The following MAP4K5 variants were observed in gnomAD, a reference collection of about 807,000 sequenced individuals.
The protein encoded by MAP4K5 is MAPK/ERK kinase kinase kinase 5.
MAP4K5 carries 82 observed loss-of-function variants against 135.6 expected under a neutral mutation model. The ratio of observed to expected loss-of-function variants is 0.60; its 90% CI spans 0.51 to 0.73. The LOEUF (loss-of-function observed/expected upper bound fraction) is 0.73, where lower values mean the gene tolerates loss of function less well. MAP4K5 is among the 30% of genes least tolerant of loss of function. The pLI, the probability that MAP4K5 is intolerant of heterozygous loss-of-function variation, is 0.00. For synonymous variants in MAP4K5, 347 were observed against 335.0 expected, an observed-to-expected ratio of 1.04 and a Z score of -0.39; for missense variants, 907 against 1,010.9, an observed-to-expected ratio of 0.90 and a Z score of 1.39.
At chr14:50,438,835 T>C (rs2036158118) in intron 23 of MAP4K5, among the ~76,000 whole-genome samples, 2 of 152,238 alleles carry the variant, frequency 1.3e-5, no homozygotes, top group South Asian at 4.1e-4. Context: ...GCCAGGCAGC[T>C]AAACACACAT....
At chr14:50,445,787 A>C (rs1324725202) in intron 17 of MAP4K5, among the ~76,000 whole-genome samples, 1 of 152,076 alleles carries the variant, frequency 6.6e-6, no homozygotes, top group Non-Finnish European at 1.5e-5. Flanking sequence ...GGCTGGTCTC[A>C]AACTCCTGAT....
At chr14:50,521,162 G>A (rs2038143199) in intron 2 of MAP4K5, among the ~76,000 whole-genome samples, 1 of 152,138 alleles carries the variant, frequency 6.6e-6, no homozygotes, top group South Asian at 2.1e-4. Context: ...CCTGGGCTCT[G>A]AATGGAAACA....
At chr14:50,478,359 T>A (rs903276183) in intron 6 of MAP4K5, among the ~76,000 whole-genome samples, 1 of 152,146 alleles carries the variant, frequency 6.6e-6, no homozygotes, top group African/African-American at 2.4e-5. Context: ...AATCAGATTT[T>A]TATTTCACTG....
chr14:50,538,367 G>T (rs893034605), intron 2 of MAP4K5, among the ~76,000 whole-genome samples: 3 of 152,158 alleles, frequency 2.0e-5, no homozygotes, highest in Non-Finnish European at 4.4e-5. Context: ...TATCAGCAGT[G>T]TGAAAATGGA....
At chr14:50,422,022 G>T (rs957371365) in intron 32 of MAP4K5, among the ~76,000 whole-genome samples, 3 of 151,818 alleles carry the variant, frequency 2.0e-5, no homozygotes, top group Admixed American at 6.6e-5. Context: ...CTTCCGAGTA[G>T]CTGGGATTAC....
chr14:50,520,001 A>AG (rs1018077081), intron 2 of MAP4K5, among the ~76,000 whole-genome samples: 54 of 152,324 alleles, frequency 3.5e-4, no homozygotes, highest in African/African-American at 1.2e-3. Flanking sequence ...AGAGTTAATA[A>AG]GGGGGTCAAG....
At chr14:50,470,785 A>C (rs971831169) in intron 9 of MAP4K5, among the ~76,000 whole-genome samples, 2 of 152,104 alleles carry the variant, frequency 1.3e-5, no homozygotes, top group Non-Finnish European at 2.9e-5. Context: ...ATTCCACTGA[A>C]TTGAATAAAT....
chr14:50,472,048 T>A (rs2036976708), intron 9 of MAP4K5: 1 of 151,430 alleles, frequency 6.6e-6, no homozygotes, highest in South Asian at 2.1e-4. Context: ...ATGAGAGAAC[T>A]CATACTGGTG....
chr14:50,554,821 G>T (rs911133522), intron 1 of MAP4K5, among the ~76,000 whole-genome samples: 1 of 152,130 alleles, frequency 6.6e-6, no homozygotes, highest in African/African-American at 2.4e-5. Flanking sequence ...GGCTGGACTC[G>T]TCTGAGTCAT....
Position 50,438,012 on chromosome 14 carries a change from TA to T in MAP4K5, c.1709-5del, listed in dbSNP as rs865953744. ...GAGTAGAGCTGAAAGGTTTTTCCTA[TA>T]AAAGAAAAACATGTTACCTTTTTGA... On this transcript the variant is annotated splice_polypyrimidine_tract_variant and splice_region_variant and intron_variant, in intron 24 of 32. Coordinates refer to ENST00000682126, the MANE Select transcript of MAP4K5 (RefSeq NM_006575.6). The T allele has an allele frequency of 1.2e-5, 18 of 1,506,436 alleles. No individual in the cohort carries two copies. The highest frequency in any genetic ancestry group is 1.7e-5 in the Non-Finnish European group (18 of 1,083,920). The allele number at this position is 1,506,436 out of a possible 1,614,324, so 93.3% of individuals were successfully genotyped here.
At chr14:50,536,304 T>G (rs748212911), upstream of MAP4K5, among the ~76,000 whole-genome samples, 9 of 151,978 alleles carry the variant, frequency 5.9e-5, no homozygotes, top group Non-Finnish European at 1.3e-4. Context: ...GGCATGGTGG[T>G]ACATGCCTGT....
In MAP4K5 at chr14:50,486,133, G is replaced by A. The variant is rs182699609; in HGVS notation, c.228C>T (p.Asn76=). ...GATAACTCCCAAAGTAGGCAACGAT[G>A]TTACAATGTTTACATTCTTTAACCA... is the stretch of plus-strand genomic sequence containing the variant. ...IFMVKECKHC[N]IVAYFGSYLS... The change falls in exon 4 of 33, where the codon AAC becomes AAT. Residue 76 remains asparagine, a synonymous_variant. Transcript: ENST00000682126. 1.3e-3 allele frequency: 1,823 copies of A among 1,413,236 alleles called. 18 individuals carry two copies. The Admixed American group carries it at 0.013, about 10-fold the overall frequency. The allele number at this position is 1,413,236 out of a possible 1,614,324, so 87.5% of individuals were successfully genotyped here. A position where few individuals can be genotyped will look rare whatever the true frequency, so the allele number is the denominator to read the frequency against.
intron 1 of MAP4K5, among the ~76,000 whole-genome samples, chr14:50,547,620 A>G (rs1036929536): frequency 3.3e-5 from 5 of 152,230 alleles, no homozygotes; most frequent in African/African-American, 7.2e-5. Flanking sequence ...CAGAACCCCT[A>G]TAACAGCCCT....
chr14:50,537,649 G>A (rs1372234644), intron 2 of MAP4K5, among the ~76,000 whole-genome samples: 1 of 152,256 alleles, frequency 6.6e-6, no homozygotes, highest in Non-Finnish European at 1.5e-5. Flanking sequence ...CCAAGACCAT[G>A]GGAACCAACC....
chr14:50,497,276 C>T (rs895925417), intron 3 of MAP4K5, among the ~76,000 whole-genome samples: 1 of 152,142 alleles, frequency 6.6e-6, no homozygotes, highest in Non-Finnish European at 1.5e-5. Context: ...TAGTAAACAA[C>T]ACTAACCTTT....
At chr14:50,511,133 G>A (rs1296412014) in intron 2 of MAP4K5, among the ~76,000 whole-genome samples, 1 of 152,228 alleles carries the variant, frequency 6.6e-6, no homozygotes, top group African/African-American at 2.4e-5. Flanking sequence ...CACTATTCAC[G>A]ACAGCCAAGA....
chr14:50,519,581 G>A (rs913408899), intron 2 of MAP4K5, among the ~76,000 whole-genome samples: 6 of 152,076 alleles, frequency 3.9e-5, no homozygotes, highest in Non-Finnish European at 7.4e-5. Flanking sequence ...TTGAACCTGG[G>A]AGGCGGAGGT....
intron 6 of MAP4K5, among the ~76,000 whole-genome samples, chr14:50,476,594 G>A (rs1203995453): frequency 6.6e-6 from 1 of 152,138 alleles, no homozygotes; most frequent in Admixed American, 6.5e-5. Flanking sequence ...CCAAGTAGCC[G>A]GGATTACAGG....
chr14:50,509,927 A>G (rs2140041641), intron 2 of MAP4K5, among the ~76,000 whole-genome samples: 1 of 152,356 alleles, frequency 6.6e-6, no homozygotes, highest in South Asian at 2.1e-4. Flanking sequence ...TAAGTGCCAT[A>G]AAGGCACAAG....
Sources: gnomAD v4.1 joint callset for allele counts (sites outside exome capture counted in the v4.1 genomes callset) on GRCh38, gnomAD v4.1.1 for gene constraint, MANE v1.5 for transcripts, NCBI Gene and HGNC (gene_info 2026-07-23, HGNC 2026-07-21) for gene names.